Variants in THBS2 observed in about 807,000 individuals in gnomAD.
THBS2 encodes thrombospondin-2.
In THBS2, 47 loss-of-function variants were observed where a neutral mutation model predicts 135.2. The observed-to-expected ratio is 0.35, with a 90% CI of 0.28 to 0.44. THBS2 has a LOEUF of 0.44. Ranked by LOEUF, THBS2 falls within the 20% of genes least tolerant of loss-of-function variation. The pLI, the probability that THBS2 is intolerant of heterozygous loss-of-function variation, is 1.00. For synonymous variants in THBS2, 639 were observed against 633.8 expected (o/e 1.01, Z -0.12); for missense variants, 1,288 against 1,603.1 (o/e 0.80, Z 3.36).
At chr6:169,251,795 A>G (rs571002851) in intron 1 of THBS2, among the ~76,000 whole-genome samples, 1 of 151,928 alleles carries the variant, frequency 6.6e-6, no homozygotes, top group South Asian at 2.1e-4. Flanking sequence ...AATGCTTGGC[A>G]GCACCTGCAG....
chr6:169,220,312 C>T lies in THBS2; in HGVS notation c.3397G>A (p.Val1133Ile). The change falls in exon 21 of 22, where the codon GTC (valine) becomes ATC (isoleucine). Residue 1133 changes from valine to isoleucine, a missense_variant. Val to Ile is a conservative substitution (Grantham distance 29, BLOSUM62 3). This residue lies in a region of THBS2 where 874 missense variants were observed against 1,156.1 expected (regional missense o/e 0.76). Transcript: ENST00000617924. The stretch of plus-strand genomic sequence containing the variant: ...TAGATAGGTCCTGAGTCTGCCATGA[C>T]CTGTTTTCCTTCATGCACTAAGACT... ...IRVLVHEGKQVMADSGPIYDQ... is the reference protein window; with the variant it reads ...IRVLVHEGKQIMADSGPIYDQ... 1.9e-6 allele frequency: 3 copies of T among 1,613,316 alleles called. No individual in the cohort carries two copies. Among genetic ancestry groups the T allele is most frequent in the Non-Finnish European group, 2.5e-6 (3 of 1,179,696 alleles).
chr6:169,241,639 TG>T lies in THBS2; in HGVS notation c.891+122del, dbSNP rs763398112. 24 of 998,484 alleles carry T rather than the reference TG, an allele frequency of 2.4e-5. No homozygotes were observed. Among genetic ancestry groups the T allele is most frequent in the Non-Finnish European group, 3.5e-5 (24 of 678,828 alleles). 61.9% of individuals were successfully genotyped at this position (998,484 alleles called of 1,614,324 possible). A position where few individuals can be genotyped will look rare whatever the true frequency, so the allele number is the denominator to read the frequency against. On this transcript the variant is annotated intron_variant, in intron 5 of 21. Coordinates refer to ENST00000617924, the MANE Select transcript of THBS2 (RefSeq NM_003247.5). This position sits in a 1 kb window ranked among gnomAD's most constrained non-coding sequence, Gnocchi z 5.5. The stretch of plus-strand genomic sequence containing the variant: ...CCCGGCAGACACCTCCCCTGTGAAC[TG>T]TGGGTTTTTACATCGAGCATGAGGC...
chr6:169,219,572 T>C (rs1188139755), intron 21 of THBS2, among the ~76,000 whole-genome samples: 1 of 152,158 alleles, frequency 6.6e-6, no homozygotes, highest in Non-Finnish European at 1.5e-5. Context: ...CTCGAACTCC[T>C]GACCTCAGGG....
chr6:169,216,050 CA>C lies in THBS2; in HGVS notation c.*1771del, dbSNP rs1779160737. On this transcript the variant is annotated 3_prime_UTR_variant, in exon 22 of 22. Transcript: ENST00000617924. ...CCATTGTACGGTTGACCCCACAACA[CA>C]GAAACAGAAAACCTGCACGCTGTTG... 6.6e-6 allele frequency: 1 copy of C among 152,270 alleles called. No homozygotes were observed. The highest frequency in any genetic ancestry group is 2.1e-4 in the South Asian group (1 of 4,820). The allele number at this position is 152,270 out of a possible 1,614,324, so 9.4% of individuals were successfully genotyped here.
In THBS2 at chr6:169,217,660, A is replaced by T; in HGVS notation, c.*162T>A. 1 of 661,694 alleles carries T rather than the reference A, an allele frequency of 1.5e-6. No homozygotes were observed. Among genetic ancestry groups the T allele is most frequent in the Non-Finnish European group, 2.5e-6 (1 of 399,006 alleles). 41.0% of individuals were successfully genotyped at this position (661,694 alleles called of 1,614,324 possible). A position where few individuals can be genotyped will look rare whatever the true frequency, so the allele number is the denominator to read the frequency against. ...CCATTGATATTTATCCTCTGAAGGC[A>T]CTTGGGTTTGGGGTTGCTGGCAGGA... is the stretch of plus-strand genomic sequence containing the variant. On this transcript the variant is annotated 3_prime_UTR_variant, in exon 22 of 22. Coordinates refer to ENST00000617924, the MANE Select transcript of THBS2 (RefSeq NM_003247.5).
At chr6:169,246,674 AGTCCCACTG>A (rs1230560099) in intron 3 of THBS2, among the ~76,000 whole-genome samples, 3 of 152,186 alleles carry the variant, frequency 2.0e-5, no homozygotes, top group African/African-American at 7.2e-5. Flanking sequence ...AGGCTCACAG[AGTCCCACTG>A]GTCCTCTCAG....
intron 13 of THBS2, among the ~76,000 whole-genome samples, chr6:169,230,746 T>C (rs1779803218): frequency 6.6e-6 from 1 of 152,176 alleles, no homozygotes; most frequent in African/African-American, 2.4e-5. Flanking sequence ...CAGCTGACCT[T>C]CTGAAATCAG....
rs34824221 is a variant in THBS2, at chr6:169,244,600, G to GCA, written c.694+1595_694+1596dup. Among the ~76,000 whole-genome samples, 152 of 143,556 alleles carry GCA rather than the reference G, an allele frequency of 1.1e-3. 1 individual carries two copies. The highest frequency in any genetic ancestry group is 1.7e-3 in the African/African-American group (70 of 40,406). 94.2% of individuals were successfully genotyped at this position (143,556 alleles called of 152,430 possible). A position where few individuals can be genotyped will look rare whatever the true frequency, so the allele number is the denominator to read the frequency against. ...TATATTAGTGAAAATACACACGCAC[G>GCA]CACACACACACACACACACGTATAC... is the stretch of plus-strand genomic sequence containing the variant. On this transcript the variant is annotated intron_variant, in intron 4 of 21. Transcript: ENST00000617924.
At chr6:169,250,282 C>G (rs1780708902) in intron 2 of THBS2, among the ~76,000 whole-genome samples, 2 of 152,138 alleles carry the variant, frequency 1.3e-5, no homozygotes, top group African/African-American at 4.8e-5. Flanking sequence ...TTTGTGTCAT[C>G]ATTTATGCTA....
At chr6:169,239,424 A>G (rs1014374513) in intron 7 of THBS2, 175 bp downstream of exon 7, 2 of 616,662 alleles carry the variant, frequency 3.2e-6, no homozygotes, top group Non-Finnish European at 5.6e-6. Flanking sequence ...CTTTCTAGCC[A>G]TGAGTCAGTC....
At chr6:169,246,659 C>T (rs1326485458) in intron 3 of THBS2, among the ~76,000 whole-genome samples, 1 of 152,144 alleles carries the variant, frequency 6.6e-6, no homozygotes, top group Non-Finnish European at 1.5e-5. Context: ...CTGCATTTGG[C>T]AAAGAGGCTC....
At chr6:169,230,581 G>C (rs1779797303) in intron 13 of THBS2, among the ~76,000 whole-genome samples, 1 of 152,202 alleles carries the variant, frequency 6.6e-6, no homozygotes, top group African/African-American at 2.4e-5. Context: ...GGGGTCCCTT[G>C]TCAAGTCTCA....
At chr6:169,246,095 A>G (rs780503905) in intron 4 of THBS2, 102 bp downstream of exon 4, 3 of 919,246 alleles carry the variant, frequency 3.3e-6, no homozygotes, top group Non-Finnish European at 4.9e-6. Flanking sequence ...TTAAATTTTT[A>G]CAAGCATGAA....
rs1583400611 is a variant in THBS2 at position 169,217,594 on chromosome 6, A to C, written c.*228T>G. 8 of 488,306 alleles carry C rather than the reference A, an allele frequency of 1.6e-5. No homozygotes were observed. In the East Asian group the frequency reaches 2.6e-4, roughly 16 times the overall value. 30.2% of individuals were successfully genotyped at this position (488,306 alleles called of 1,614,324 possible). On this transcript the variant is annotated 3_prime_UTR_variant, in exon 22 of 22. Transcript: ENST00000617924. ...CCACATAAAGTCTCATATATCACCAAACTGGTTTCCTCTAGTGGGTTAGAT... is the reference window on the plus strand; with the variant it reads ...CCACATAAAGTCTCATATATCACCACACTGGTTTCCTCTAGTGGGTTAGAT...
At chr6:169,249,015 G>T (rs745359783) in intron 2 of THBS2, 42 bp from the exon 3 acceptor site, 1 of 1,556,242 alleles carries the variant, frequency 6.4e-7, no homozygotes, top group Non-Finnish European at 8.7e-7. Context: ...CGTAGGGGAA[G>T]AGGGCGAGGT....
chr6:169,248,769 A>G lies in THBS2; in HGVS notation c.257T>C (p.Leu86Pro). The G allele has an allele frequency of 6.2e-7, 1 of 1,612,574 alleles. No individual in the cohort carries two copies. The highest frequency in any genetic ancestry group is 8.5e-7 in the Non-Finnish European group (1 of 1,179,990). Residue 86 changes from leucine to proline, a missense_variant, in exon 3 of 22, where the codon CTC becomes CCC. Transcript: ENST00000617924. ...GCCGTCCTGCTTGAGCTGGGCCGTG[A>G]GGAAGAAGCCCTCCTTCTGCCGCAT... ...KIMRQKEGFFLTAQLKQDGKS... is the reference protein window; with the variant it reads ...KIMRQKEGFFPTAQLKQDGKS...
intron 3 of THBS2, among the ~76,000 whole-genome samples, chr6:169,247,617 T>G (rs1780596206): frequency 6.6e-6 from 1 of 152,106 alleles, no homozygotes; most frequent in African/African-American, 2.4e-5. Context: ...CACGTGTGTA[T>G]GTGTGTGTTC....
In THBS2 at chr6:169,246,235, T is replaced by C. The variant is rs1306466080; in HGVS notation, c.656A>G (p.Asp219Gly). The change falls in exon 4 of 22, where the codon GAT becomes GGT. Residue 219 changes from aspartate (D) to glycine (G), a missense_variant. Asp to Gly is a moderately conservative substitution (Grantham distance 94). Around this residue, in one of 2 missense-constraint regions of THBS2, gnomAD observed 414 missense variants for 447.0 expected, o/e 0.93. Transcript: ENST00000617924. ...VHLVFENSVE[D>G]ILSKKGCQQG... ...CTGGCAACCCTTCTTGCTTAGAATA[T>C]CTTCCACAGAGTTTTCAAACACTAG... is the stretch of plus-strand genomic sequence containing the variant. The C allele has an allele frequency of 6.2e-7, 1 of 1,613,936 alleles. No individual in the cohort carries two copies. The highest frequency in any genetic ancestry group is 8.5e-7 in the Non-Finnish European group (1 of 1,180,002).
At chr6:169,221,617 CTT>C in intron 19 of THBS2, 90 bp from the exon 20 acceptor site, 1 of 1,138,024 alleles carries the variant, frequency 8.8e-7, no homozygotes, top group South Asian at 1.2e-5. Flanking sequence ...AAAAACATGA[CTT>C]TGCAAGTTCA....
Sources: gnomAD v4.1 joint callset for allele counts (sites outside exome capture counted in the v4.1 genomes callset) on GRCh38, gnomAD v4.1.1 for gene constraint, gnomAD v4.1.1 regional missense constraint, Gnocchi (gnomAD v3.1) non-coding constraint, MANE v1.5 for transcripts, NCBI Gene and HGNC (gene_info 2026-07-23, HGNC 2026-07-21) for gene names.